NPC1: variants seen among roughly 807,000 people sequenced by gnomAD.
NPC1 encodes NPC intracellular cholesterol transporter 1, also known as Niemann-Pick C1 protein.
A neutral mutation model predicts 140.4 loss-of-function variants in NPC1; 85 were observed. The observed-to-expected ratio is 0.61, with a 90% CI of 0.51 to 0.72. The LOEUF (loss-of-function observed/expected upper bound fraction) is 0.72. NPC1 is among the 30% of genes least tolerant of loss of function. The pLI, the probability that NPC1 is intolerant of heterozygous loss-of-function variation, is 0.00. For missense variants in NPC1, 1,504 were observed against 1,623.8 expected (o/e 0.93, Z 1.27); for synonymous variants, 656 against 624.8 (o/e 1.05, Z -0.74).
intron 23 of NPC1, 167 bp from the exon 24 acceptor site, chr18:23,533,684 T>C (rs573187312): frequency 1.5e-6 from 1 of 667,894 alleles, no homozygotes; most frequent in South Asian, 1.7e-5. Flanking sequence ...AATTTTTGTG[T>C]TTTTAGTAGA....
chr18:23,585,140 TTCTC>T (rs1291839800), intron 1 of NPC1, among the ~76,000 whole-genome samples: 4 of 152,166 alleles, frequency 2.6e-5, no homozygotes, highest in African/African-American at 9.7e-5. Flanking sequence ...TATTATTTAT[TTCTC>T]TCTCTTTTTT....
chr18:23,576,435 T>G, intron 1 of NPC1: 1 of 983,774 alleles, frequency 1.0e-6, no homozygotes, highest in Non-Finnish European at 1.2e-6. Flanking sequence ...AAAAAAGTCA[T>G]CCTGCCGAAA....
intron 4 of NPC1, among the ~76,000 whole-genome samples, chr18:23,562,595 ATTCCATTGCC>A (rs2059059562): frequency 6.6e-6 from 1 of 152,192 alleles, no homozygotes; most frequent in African/African-American, 2.4e-5. Context: ...TCAACAGATT[ATTCCATTGCC>A]TTCCAGGCTC....
downstream of NPC1, chr18:23,524,338 G>A: frequency 1.3e-6 from 2 of 1,519,106 alleles, no homozygotes; most frequent in Non-Finnish European, 9.1e-7. Flanking sequence ...CGTGGACTCA[G>A]TACATGGTGG....
chr18:23,544,615 G>T, intron 12 of NPC1, 89 bp from the exon 13 acceptor site: 1 of 1,178,230 alleles, frequency 8.5e-7, no homozygotes, highest in South Asian at 1.3e-5. Flanking sequence ...TACTTTACAG[G>T]GCTGTATTAA....
chr18:23,537,015 G>C, intron 20 of NPC1, 139 bp from the exon 21 acceptor site: 1 of 722,244 alleles, frequency 1.4e-6, no homozygotes, highest in Non-Finnish European at 2.5e-6. Context: ...GGATGAAGAA[G>C]GCCCCCAGAT....
At chr18:23,557,829 T>A (rs571076734) in intron 6 of NPC1, among the ~76,000 whole-genome samples, 26 of 152,290 alleles carry the variant, frequency 1.7e-4, no homozygotes, top group Non-Finnish European at 3.2e-4. Context: ...CTACATACCA[T>A]TCTCCAATAA....
At position 23,531,836 on chromosome 18, in the gene NPC1, T is replaced by C; in HGVS notation, c.*366A>G. ...TGTCACTAAAAATATGGTATAGAAC[T>C]TGTGGGATGGCTTACTCCTAAAAGG... On this transcript the variant is annotated 3_prime_UTR_variant, in exon 25 of 25. Coordinates refer to ENST00000269228, the MANE Select transcript of NPC1 (RefSeq NM_000271.5). The C allele has an allele frequency of 6.8e-7, 1 of 1,471,350 alleles. No homozygotes were observed. Among genetic ancestry groups the C allele is most frequent in the Non-Finnish European group, 8.9e-7 (1 of 1,120,744 alleles). 91.1% of individuals were successfully genotyped at this position (1,471,350 alleles called of 1,614,324 possible).
downstream of NPC1, among the ~76,000 whole-genome samples, chr18:23,527,223 C>CAAAAAAAAA (rs386387173): frequency 2.3e-5 from 1 of 43,670 alleles, no homozygotes; most frequent in African/African-American, 6.5e-5. Context: ...CCTGTCTCTA[C>CAAAAAAAAA]AAAAAAAAAA....
intron 2 of NPC1, among the ~76,000 whole-genome samples, 196 bp from the exon 3 acceptor site, chr18:23,572,376 G>A (rs755933804): frequency 2.0e-5 from 3 of 152,172 alleles, no homozygotes; most frequent in Non-Finnish European, 2.9e-5. Context: ...AAGTAGAGAT[G>A]TTTCTAATTT....
In NPC1 at chr18:23,575,861, T is replaced by C. The variant is rs1316186703; in HGVS notation, c.58-2287A>G. On this transcript the variant is annotated intron_variant, in intron 1 of 24. Coordinates refer to ENST00000269228, the MANE Select transcript of NPC1 (RefSeq NM_000271.5). ...CAGCACTTTGGGAAGCCAAGGCAGG[T>C]GGGTCGCTTGAGCCCAGGAGTTTGA... Among the ~76,000 whole-genome samples the C allele has an allele frequency of 2.9e-5, 4 of 139,446 alleles. No homozygotes were observed. In the East Asian group the frequency reaches 8.6e-4, roughly 30 times the overall value. The allele number at this position is 139,446 out of a possible 152,430, so 91.5% of individuals were successfully genotyped here.
rs748026338 is a variant in NPC1 at position 23,556,390 on chromosome 18, C to T, written c.1179G>A (p.Glu393=). The change falls in exon 8 of 25, where the codon GAG becomes GAA. Residue 393 remains glutamate (E), a synonymous_variant. Coordinates refer to ENST00000269228, the MANE Select transcript of NPC1 (RefSeq NM_000271.5). ...APSSQARLEK[E]YFDQHFGPFF... ...AAGGCCCAAAGTGCTGGTCAAAGTA[C>T]TCTTTTTCCAGGCGAGCCTGGCTGC... The T allele has an allele frequency of 6.2e-7, 1 of 1,614,154 alleles. No homozygotes were observed. The highest frequency in any genetic ancestry group is 2.2e-5 in the East Asian group (1 of 44,870).
Position 23,568,902 on chromosome 18 carries a change from A to C in NPC1, c.384T>G (p.Asp128Glu). 6.2e-7 allele frequency: 1 copy of C among 1,613,888 alleles called. No individual in the cohort carries two copies. The highest frequency in any genetic ancestry group is 8.5e-7 in the Non-Finnish European group (1 of 1,179,758). Residue 128 changes from aspartate to glutamate, a missense_variant, in exon 4 of 25, where the codon GAT becomes GAG. Transcript: ENST00000269228. ...TCTGGTTTGTAACAGGATCAACATA[A>C]TCTTCAGTAGCTGTAACATTCAAAA... ...SQFLNVTATE[D>E]YVDPVTNQTK...
Position 23,568,940 on chromosome 18 carries a change from G to T in NPC1, c.346C>A (p.Arg116=), listed in dbSNP as rs144973225. The T allele has an allele frequency of 6.2e-7, 1 of 1,613,900 alleles. No homozygotes were observed. The highest frequency in any genetic ancestry group is 1.7e-5 in the Admixed American group (1 of 60,014). The change falls in exon 4 of 25, where the codon CGA becomes AGA. Residue 116 remains arginine, a synonymous_variant. Coordinates refer to ENST00000269228, the MANE Select transcript of NPC1 (RefSeq NM_000271.5). ...NLFCELTCSP[R]QSQFLNVTAT... is the part of the protein sequence containing the mutation. Reference sequence around the variant, plus strand: ...GTAACATTCAAAAACTGACTCTGTCGAGGGCTACATGTCAGCTCACAAAAC... The same window carrying T: ...GTAACATTCAAAAACTGACTCTGTCTAGGGCTACATGTCAGCTCACAAAAC...
rs150967430 is a variant in NPC1, at chr18:23,544,494, G to A, written c.1980C>T (p.Gly660=). 4 of 1,614,212 alleles carry A rather than the reference G, an allele frequency of 2.5e-6. No individual in the cohort carries two copies. Among genetic ancestry groups the A allele is most frequent in the Non-Finnish European group, 3.4e-6 (4 of 1,180,034 alleles). Residue 660 remains glycine, a synonymous_variant, in exon 13 of 25, where the codon GGC becomes GGT. Coordinates refer to ENST00000269228, the MANE Select transcript of NPC1 (RefSeq NM_000271.5). ...VDSKVSLGIA[G]ILIVLSSVAC... The stretch of plus-strand genomic sequence containing the variant: ...CCACCGAGCTCAGCACGATCAAGAT[G>A]CCCGCGATGCCTAGTGAGACCTTCG...
downstream of NPC1, chr18:23,530,029 A>G: frequency 6.2e-7 from 1 of 1,613,060 alleles, no homozygotes; most frequent in Non-Finnish European, 8.5e-7. Flanking sequence ...TGTCCTCAGC[A>G]TTACCTACAT....
chr18:23,531,784 G>GTTATAAA lies in NPC1; in HGVS notation c.*411_*417dup. The GTTATAAA allele has an allele frequency of 6.4e-7, 1 of 1,553,222 alleles. No individual in the cohort carries two copies. The highest frequency in any genetic ancestry group is 2.1e-5 in the Admixed American group (1 of 48,528). On this transcript the variant is annotated 3_prime_UTR_variant, in exon 25 of 25. Transcript: ENST00000269228. ...AATAAAGCTCTTTAAACTATAAAAT[G>GTTATAAA]TTATAAAGTGTATCTACAACCTCAA...
In NPC1 at chr18:23,566,380, ACT is replaced by A. The variant is rs551361764; in HGVS notation, c.463+2441_463+2442del. On this transcript the variant is annotated intron_variant, in intron 4 of 24. Transcript: ENST00000269228. ...GCCTGGGTGACAGCATGAGACCTTG[ACT>A]CTGTTTTGTAGTACTGCACTATTCA... is the stretch of plus-strand genomic sequence containing the variant. Among the ~76,000 whole-genome samples the A allele has an allele frequency of 3.2e-3, 483 of 152,150 alleles. 2 individuals carry two copies. The highest frequency in any genetic ancestry group is 0.011 in the African/African-American group (452 of 41,482).
At chr18:23,534,158 C>T (rs146950395) in intron 23 of NPC1, 9 of 535,302 alleles carry the variant, frequency 1.7e-5, no homozygotes, top group South Asian at 1.0e-4. Context: ...GGTTCTGGCC[C>T]GGGCTCCCCT....
Sources: gnomAD v4.1 joint callset for allele counts (sites outside exome capture counted in the v4.1 genomes callset) on GRCh38, gnomAD v4.1.1 for gene constraint, MANE v1.5 for transcripts, NCBI Gene and HGNC (gene_info 2026-07-23, HGNC 2026-07-21) for gene names.